The following NKAIN2 variants were observed in gnomAD, a reference collection of about 807,000 sequenced individuals.
NKAIN2 encodes sodium/potassium-transporting ATPase subunit beta-1-interacting protein 2.
In NKAIN2, 14 loss-of-function variants were observed where a neutral mutation model predicts 32.6. The ratio of observed to expected loss-of-function variants is 0.43; its 90% CI spans 0.28 to 0.67. The LOEUF is 0.67. Ranked by LOEUF, NKAIN2 falls within the 30% of genes least tolerant of loss-of-function variation. The pLI is 0.17. For missense variants in NKAIN2, 198 were observed against 258.3 expected (o/e 0.77, Z 1.60); for synonymous variants, 80 against 87.2 (o/e 0.92, Z 0.46).
intron 3 of NKAIN2, among the ~76,000 whole-genome samples, chr6:124,519,376 A>T (rs1158020692): frequency 3.3e-5 from 5 of 152,238 alleles, no homozygotes; most frequent in African/African-American, 7.2e-5. Flanking sequence ...ATGAATTGAC[A>T]GAAATTAATG....
chr6:124,265,288 A>G (rs555880938), intron 1 of NKAIN2, among the ~76,000 whole-genome samples: 345 of 152,276 alleles, frequency 2.3e-3, no homozygotes, highest in African/African-American at 7.9e-3. Context: ...AACAACGGAA[A>G]CAAACTTTGG....
At chr6:124,229,702 T>C (rs1792345012) in intron 1 of NKAIN2, among the ~76,000 whole-genome samples, 1 of 152,092 alleles carries the variant, frequency 6.6e-6, no homozygotes, top group Non-Finnish European at 1.5e-5. Flanking sequence ...GATAGTGAGA[T>C]CTGATAGCTT....
intron 1 of NKAIN2, among the ~76,000 whole-genome samples, chr6:124,248,232 G>A (rs1426423236): frequency 4.6e-5 from 7 of 151,838 alleles, no homozygotes; most frequent in African/African-American, 1.7e-4. Flanking sequence ...ATCTTCTTTT[G>A]TCCTCAGTTT....
At chr6:124,493,717 CAAAAAAAA>C (rs71021496) in intron 3 of NKAIN2, among the ~76,000 whole-genome samples, 993 of 85,818 alleles carry the variant, frequency 0.012, 17 homozygotes, top group African/African-American at 0.049. Flanking sequence ...CCCCCCCCTC[CAAAAAAAA>C]AAAAAAAAAA....
At chr6:124,796,332 T>A (rs530608146) in intron 5 of NKAIN2, among the ~76,000 whole-genome samples, 4 of 152,182 alleles carry the variant, frequency 2.6e-5, no homozygotes, top group Non-Finnish European at 4.4e-5. Context: ...TGACCCCATT[T>A]AACCTTCATT....
At chr6:124,059,106 T>G (rs149590286) in intron 1 of NKAIN2, among the ~76,000 whole-genome samples, 8 of 151,426 alleles carry the variant, frequency 5.3e-5, no homozygotes, top group Non-Finnish European at 1.2e-4. Flanking sequence ...AAAAAAAAAC[T>G]GACAAAGAAA....
At chr6:124,626,284 T>C (rs183363269) in intron 3 of NKAIN2, among the ~76,000 whole-genome samples, 4 of 151,982 alleles carry the variant, frequency 2.6e-5, no homozygotes, top group African/African-American at 9.7e-5. Flanking sequence ...ATTCCCAAAG[T>C]CCTATTCAAA....
intron 3 of NKAIN2, among the ~76,000 whole-genome samples, chr6:124,575,000 T>C (rs538402798): frequency 5.5e-4 from 84 of 152,308 alleles, no homozygotes; most frequent in African/African-American, 2.0e-3. Flanking sequence ...TACCAGTGTA[T>C]AAAAATCTAC....
intron 1 of NKAIN2, among the ~76,000 whole-genome samples, chr6:124,184,420 A>G (rs1789604578): frequency 6.6e-6 from 1 of 152,066 alleles, no homozygotes; most frequent in African/African-American, 2.4e-5. Context: ...AACTCCTTCT[A>G]GCAACAAAAT....
At chr6:124,284,559 A>G (rs1562470575) in intron 2 of NKAIN2, among the ~76,000 whole-genome samples, 1 of 152,040 alleles carries the variant, frequency 6.6e-6, no homozygotes, top group African/African-American at 2.4e-5. Context: ...CTTATAAATA[A>G]TGGTTGCTCT....
At chr6:124,288,638 T>C (rs1795668097) in intron 2 of NKAIN2, among the ~76,000 whole-genome samples, 1 of 152,154 alleles carries the variant, frequency 6.6e-6, no homozygotes, top group Non-Finnish European at 1.5e-5. Context: ...TTGATGGTGA[T>C]TTTACATATA....
chr6:124,709,009 T>G (rs1002661994), intron 4 of NKAIN2, among the ~76,000 whole-genome samples: 22 of 142,256 alleles, frequency 1.5e-4, no homozygotes, highest in African/African-American at 5.4e-4. Context: ...TTGAGATACG[T>G]CCCGTCAATA....
At chr6:124,162,988 GTTC>G (rs1431522108) in intron 1 of NKAIN2, among the ~76,000 whole-genome samples, 8 of 152,022 alleles carry the variant, frequency 5.3e-5, no homozygotes, top group Non-Finnish European at 1.5e-5. Flanking sequence ...AGTTTATAAT[GTTC>G]TTATTTTCTG....
chr6:124,009,351 C>A (rs891919314), intron 1 of NKAIN2, among the ~76,000 whole-genome samples: 1 of 152,182 alleles, frequency 6.6e-6, no homozygotes, highest in Non-Finnish European at 1.5e-5. Flanking sequence ...GTTTTATGAG[C>A]ATGAACGGTA....
At chr6:123,943,787 T>C (rs778511115) in intron 1 of NKAIN2, among the ~76,000 whole-genome samples, 1 of 152,078 alleles carries the variant, frequency 6.6e-6, no homozygotes, top group Non-Finnish European at 1.5e-5. Flanking sequence ...GCTGAACTAC[T>C]GGAAGAGCAA....
At chr6:124,764,304 C>A (rs1778410812) in intron 4 of NKAIN2, among the ~76,000 whole-genome samples, 1 of 152,022 alleles carries the variant, frequency 6.6e-6, no homozygotes, top group African/African-American at 2.4e-5. Flanking sequence ...TAATGCTTAT[C>A]ACTAATTTAA....
intron 1 of NKAIN2, among the ~76,000 whole-genome samples, chr6:123,818,787 G>C (rs982390320): frequency 6.6e-6 from 1 of 152,124 alleles, no homozygotes; most frequent in African/African-American, 2.4e-5. Context: ...TTTTTGTGTA[G>C]AGGAAATTCA....
At chr6:124,440,499 G>T (rs1274521849) in intron 3 of NKAIN2, among the ~76,000 whole-genome samples, 1 of 152,012 alleles carries the variant, frequency 6.6e-6, no homozygotes, top group Non-Finnish European at 1.5e-5. Flanking sequence ...TGAGAAGTCT[G>T]ATCCTCTTGT....
At chr6:124,810,719 C>T (rs1002771007) in intron 5 of NKAIN2, among the ~76,000 whole-genome samples, 3 of 151,866 alleles carry the variant, frequency 2.0e-5, no homozygotes, top group Admixed American at 2.0e-4. Flanking sequence ...AAATAAGGCC[C>T]TAAAACCCTG....
Sources: allele counts gnomAD v4.1 joint callset (sites outside exome capture counted in the v4.1 genomes callset), GRCh38; gene constraint gnomAD v4.1.1; transcripts MANE v1.5; gene names NCBI Gene and HGNC (gene_info 2026-07-23, HGNC 2026-07-21).